The following POLA1 variants were observed in gnomAD, a reference collection of about 807,000 sequenced individuals.
POLA1 encodes the protein DNA polymerase alpha 1, catalytic subunit, also known as DNA polymerase alpha catalytic subunit.
A neutral mutation model predicts 124.0 loss-of-function variants in POLA1; 15 were observed. That is an observed-to-expected ratio of 0.12 (90% CI 0.08 to 0.19). The LOEUF (loss-of-function observed/expected upper bound fraction) is 0.19, where lower values mean the gene tolerates loss of function less well. Ranked by LOEUF, POLA1 falls within the 10% of genes least tolerant of loss-of-function variation. The pLI, the probability that POLA1 is intolerant of heterozygous loss-of-function variation, is 1.00. For missense variants in POLA1, 886 were observed against 1,103.4 expected (o/e 0.80, Z 2.79); for synonymous variants, 408 against 389.4 (o/e 1.05, Z -0.56).
At chrX:24,805,953 T>A (rs920217431) in intron 26 of POLA1, among the ~76,000 whole-genome samples, 1 of 109,428 alleles carries the variant, frequency 9.1e-6, no homozygotes, top group African/African-American at 3.3e-5. Context: ...CCTTTCTGGG[T>A]ACTTGTGGCT....
intron 26 of POLA1, among the ~76,000 whole-genome samples, chrX:24,790,450 A>G (rs16983224): frequency 0.044 from 4,924 of 111,093 alleles, 292 homozygotes; most frequent in African/African-American, 0.15. Flanking sequence ...GCTTTGAGAC[A>G]TTTCCCCTCC....
intron 26 of POLA1, among the ~76,000 whole-genome samples, chrX:24,784,762 A>C (rs2045332641): frequency 8.9e-6 from 1 of 112,288 alleles, no homozygotes; most frequent in African/African-American, 3.2e-5. Flanking sequence ...CTCACAGGTA[A>C]GCAGCAATGG....
chrX:24,938,040 C>A (rs1029115375), intron 36 of POLA1, among the ~76,000 whole-genome samples: 2 of 112,427 alleles, frequency 1.8e-5, no homozygotes, highest in Non-Finnish European at 3.7e-5. Flanking sequence ...TTTGTTTCTT[C>A]GTAACTAGAA....
intron 26 of POLA1, among the ~76,000 whole-genome samples, chrX:24,798,200 T>C (rs756582639): frequency 1.4e-4 from 16 of 112,200 alleles, no homozygotes; most frequent in African/African-American, 5.2e-4. Flanking sequence ...TGATTTAAAA[T>C]TTCTCTGGAT....
At chrX:24,992,878 A>G (rs192145179) in intron 36 of POLA1, among the ~76,000 whole-genome samples, 1 of 112,781 alleles carries the variant, frequency 8.9e-6, no homozygotes, top group African/African-American at 3.2e-5. Context: ...ATAGAAAAGA[A>G]TGTAACTTTC....
At chrX:24,965,502 C>G (rs1193922307) in intron 36 of POLA1, among the ~76,000 whole-genome samples, 1 of 111,744 alleles carries the variant, frequency 8.9e-6, no homozygotes, top group Admixed American at 9.6e-5. Context: ...GCTTTTTCAT[C>G]CTTGTGTTGC....
intron 30 of POLA1, among the ~76,000 whole-genome samples, chrX:24,815,728 T>C (rs1175857466): frequency 1.8e-5 from 2 of 111,525 alleles, no homozygotes; most frequent in Non-Finnish European, 3.8e-5. Context: ...ATTTTGCAAA[T>C]ACAATGCTAC....
chrX:24,901,036 G>T (rs1020027476), intron 35 of POLA1, among the ~76,000 whole-genome samples: 2 of 111,607 alleles, frequency 1.8e-5, no homozygotes, highest in Non-Finnish European at 3.8e-5. Context: ...ACCTACTCTG[G>T]ACCAACACTG....
chrX:24,996,053 T>C lies in POLA1; in HGVS notation c.*103T>C. 2.8e-6 allele frequency: 2 copies of C among 722,144 alleles called. No individual in the cohort carries two copies. The highest frequency in any genetic ancestry group is 4.1e-6 in the Non-Finnish European group (2 of 486,043). 59.5% of individuals were successfully genotyped at this position (722,144 alleles called of 1,213,427 possible). A position where few individuals can be genotyped will look rare whatever the true frequency, so the allele number is the denominator to read the frequency against. ...GCTCCTCCAGCATCTGTTTCTCCCT[T>C]GGGACTGTGTCTCATGTTTGTGTGA... On this transcript the variant is annotated 3_prime_UTR_variant, in exon 37 of 37. Coordinates refer to ENST00000379068, the MANE Select transcript of POLA1 (RefSeq NM_001330360.2).
intron 36 of POLA1, among the ~76,000 whole-genome samples, chrX:24,936,685 C>T (rs1452122857): frequency 1.8e-5 from 2 of 111,474 alleles, no homozygotes; most frequent in East Asian, 5.6e-4. Context: ...GCATCTGCCA[C>T]CACGCCCGGC....
At chrX:24,831,582 G>T (rs1280875178) in intron 32 of POLA1, among the ~76,000 whole-genome samples, 1 of 109,383 alleles carries the variant, frequency 9.1e-6, no homozygotes, top group African/African-American at 3.3e-5. Flanking sequence ...CACCACACCT[G>T]GCTAATTTTT....
chrX:24,818,211 T>A (rs904296359), intron 30 of POLA1, among the ~76,000 whole-genome samples: 2 of 110,321 alleles, frequency 1.8e-5, no homozygotes, highest in African/African-American at 6.6e-5. Context: ...TTTTTTTTTT[T>A]AAATGAAGCC....
At chrX:24,714,525 A>G in intron 4 of POLA1, 29 bp from the exon 5 acceptor site, 1 of 920,841 alleles carries the variant, frequency 1.1e-6, no homozygotes, top group Non-Finnish European at 1.5e-6. Context: ...TTGCTGATGC[A>G]TGTTTCTAAA....
At chrX:24,755,565 A>G (rs1308899433) in intron 26 of POLA1, among the ~76,000 whole-genome samples, 1 of 111,981 alleles carries the variant, frequency 8.9e-6, no homozygotes, top group Non-Finnish European at 1.9e-5. Flanking sequence ...ATTCTTAGGT[A>G]TTCAAAAGCC....
intron 2 of POLA1, among the ~76,000 whole-genome samples, chrX:24,701,756 A>G (rs921392284): frequency 3.1e-5 from 3 of 95,891 alleles, no homozygotes; most frequent in Non-Finnish European, 6.1e-5. Flanking sequence ...TCTTGAGAGA[A>G]TGGGAGAATT....
chrX:24,866,327 C>T (rs1432026458), intron 34 of POLA1, among the ~76,000 whole-genome samples: 1 of 111,925 alleles, frequency 8.9e-6, no homozygotes, highest in East Asian at 2.8e-4. Context: ...CTTAGTTTTG[C>T]TTCTGACCGC....
chrX:24,727,695 A>G, intron 14 of POLA1, 87 bp from the exon 15 acceptor site: 6 of 718,075 alleles, frequency 8.4e-6, no homozygotes, highest in Non-Finnish European at 1.2e-5. Context: ...GTTGAAGAAT[A>G]TGCCAGTTAA....
chrX:24,767,285 A>G (rs1932927167), intron 26 of POLA1, among the ~76,000 whole-genome samples: 1 of 111,575 alleles, frequency 9.0e-6, no homozygotes, highest in Non-Finnish European at 1.9e-5. Context: ...ATGCCTCCTA[A>G]TTTATTCTTT....
rs1459297610 is a variant in POLA1, at chrX:24,803,648, A to G, written c.2965-6250A>G. Among the ~76,000 whole-genome samples, 4 of 111,103 alleles carry G rather than the reference A, an allele frequency of 3.6e-5. No homozygotes were observed. The South Asian group carries it at 1.2e-3, about 32-fold the overall frequency. ...CAAAAGCAACCTAGAATATGGAAATATATCCTCACAACGCTAATTATCCTT... is the reference window on the plus strand; with the variant it reads ...CAAAAGCAACCTAGAATATGGAAATGTATCCTCACAACGCTAATTATCCTT... On this transcript the variant is annotated intron_variant, in intron 26 of 36. Coordinates refer to ENST00000379068, the MANE Select transcript of POLA1 (RefSeq NM_001330360.2).
Sources: allele counts gnomAD v4.1 joint callset (sites outside exome capture counted in the v4.1 genomes callset), GRCh38; gene constraint gnomAD v4.1.1; transcripts MANE v1.5; gene names NCBI Gene and HGNC (gene_info 2026-07-23, HGNC 2026-07-21).